Variants in TRDN observed in about 807,000 individuals in gnomAD.
The protein encoded by TRDN is triadin in skeletal muscle.
A neutral mutation model predicts 149.7 loss-of-function variants in TRDN; 161 were observed. The ratio of observed to expected loss-of-function variants is 1.08; its 90% confidence interval spans 0.95 to 1.23. The LOEUF (loss-of-function observed/expected upper bound fraction) is 1.23. Among genes scored for constraint, TRDN ranks in the 50% most tolerant of loss-of-function variants. The probability of loss-of-function intolerance (pLI) is 0.00; values close to 1 mark genes in which losing one functional copy is unlikely to be tolerated. For synonymous variants in TRDN, 294 were observed against 250.5 expected (o/e 1.17, Z -1.64); for missense variants, 896 against 823.5 (o/e 1.09, Z -1.08).
At chr6:123,465,827 G>A (rs1408046103) in intron 9 of TRDN, among the ~76,000 whole-genome samples, 1 of 152,176 alleles carries the variant, frequency 6.6e-6, no homozygotes, top group Non-Finnish European at 1.5e-5. Context: ...ACATGGGCAT[G>A]TGTAACTTCT....
chr6:123,494,936 G>A (rs1254613809), intron 9 of TRDN, among the ~76,000 whole-genome samples: 1 of 151,870 alleles, frequency 6.6e-6, no homozygotes, highest in Non-Finnish European at 1.5e-5. Context: ...GTTTCACCAT[G>A]TTGGCCAGGC....
chr6:123,577,542 C>G lies in TRDN; in HGVS notation c.23-6410G>C, dbSNP rs184144959. Reference sequence around the variant, plus strand: ...TGTACCACATTTTCTTTATTTAATCCGTCATTGGTGGGCATTTAGGTTGAT... The same window carrying G: ...TGTACCACATTTTCTTTATTTAATCGGTCATTGGTGGGCATTTAGGTTGAT... On this transcript the variant is annotated intron_variant, in intron 1 of 40. Coordinates refer to ENST00000334268, the MANE Select transcript of TRDN (RefSeq NM_006073.4). 2.6e-5 allele frequency among the ~76,000 whole-genome samples: 4 copies of G among 152,058 alleles called. No individual in the cohort carries two copies. The South Asian group carries it at 8.3e-4, about 32-fold the overall frequency.
intron 38 of TRDN, among the ~76,000 whole-genome samples, chr6:123,245,464 A>G (rs1776137854): frequency 6.6e-6 from 1 of 152,176 alleles, no homozygotes; most frequent in African/African-American, 2.4e-5. Context: ...GATAAAATAG[A>G]CTTTACACCA....
chr6:123,604,965 T>G (rs1784457667), intron 1 of TRDN, among the ~76,000 whole-genome samples: 1 of 152,078 alleles, frequency 6.6e-6, no homozygotes, highest in African/African-American at 2.4e-5. Flanking sequence ...TCTTAGTTCT[T>G]AATATTTTAT....
At chr6:123,369,926 A>T (rs1267157308) in intron 19 of TRDN, among the ~76,000 whole-genome samples, 3 of 152,124 alleles carry the variant, frequency 2.0e-5, no homozygotes, top group Non-Finnish European at 4.4e-5. Context: ...AGAGACACAG[A>T]CAACCACATC....
chr6:123,268,144 T>C (rs1777078341), intron 31 of TRDN, among the ~76,000 whole-genome samples: 1 of 152,066 alleles, frequency 6.6e-6, no homozygotes, highest in Non-Finnish European at 1.5e-5. Context: ...TCCTCTTTTT[T>C]CCTCTTTGAA....
chr6:123,288,906 A>C (rs1187171190), intron 24 of TRDN, among the ~76,000 whole-genome samples: 3 of 151,812 alleles, frequency 2.0e-5, no homozygotes, highest in Non-Finnish European at 4.4e-5. Context: ...AAGGAATTGA[A>C]ATCAGGATGT....
chr6:123,480,113 T>C (rs1324609859), intron 9 of TRDN, among the ~76,000 whole-genome samples: 5 of 152,044 alleles, frequency 3.3e-5, no homozygotes, highest in Non-Finnish European at 1.5e-5. Flanking sequence ...AGAATAAATA[T>C]CATTCATTTC....
intron 18 of TRDN, among the ~76,000 whole-genome samples, chr6:123,376,293 C>G (rs1477302429): frequency 6.6e-6 from 1 of 152,102 alleles, no homozygotes; most frequent in Non-Finnish European, 1.5e-5. Flanking sequence ...AACTCTGAAC[C>G]AACAGGGTGT....
intron 10 of TRDN, chr6:123,440,829 T>C (rs1562314256): frequency 6.6e-6 from 1 of 152,196 alleles, no homozygotes; most frequent in Non-Finnish European, 1.5e-5. Context: ...GACAATGCTC[T>C]TGTGCAACAA....
intron 20 of TRDN, among the ~76,000 whole-genome samples, chr6:123,354,749 G>C (rs1408436831): frequency 6.6e-6 from 1 of 151,652 alleles, no homozygotes; most frequent in Non-Finnish European, 1.5e-5. Flanking sequence ...AGATTAGACA[G>C]TGTGAGGAAG....
intron 38 of TRDN, among the ~76,000 whole-genome samples, chr6:123,241,389 A>G (rs116153218): frequency 0.017 from 2,650 of 151,610 alleles, 71 homozygotes; most frequent in African/African-American, 0.061. Flanking sequence ...GAAAAAGAAT[A>G]TAAACTTTTA....
chr6:123,317,852 G>T (rs1319662721), intron 23 of TRDN, among the ~76,000 whole-genome samples: 2 of 151,850 alleles, frequency 1.3e-5, no homozygotes, highest in Non-Finnish European at 2.9e-5. Context: ...ATGACTAAAG[G>T]CTCCCTGTTG....
chr6:123,590,984 AT>A (rs1463260475), intron 1 of TRDN, among the ~76,000 whole-genome samples: 3 of 152,176 alleles, frequency 2.0e-5, no homozygotes, highest in African/African-American at 7.2e-5. Context: ...AAGCGCTTTG[AT>A]ATAAAAAATT....
At position 123,259,204 on chromosome 6, in the gene TRDN, T is replaced by A. The variant is rs545858599; in HGVS notation, c.1870+420A>T. 2.4e-4 allele frequency among the ~76,000 whole-genome samples: 36 copies of A among 152,282 alleles called. 1 individual carries two copies. In the South Asian group the frequency reaches 7.0e-3, roughly 30 times the overall value. Reference sequence around the variant, plus strand: ...AGCTTTCGAATTTGTTTGTTCTTGCTTCTGTAGTTCTTTTCATTGTGATGT... The same window carrying A: ...AGCTTTCGAATTTGTTTGTTCTTGCATCTGTAGTTCTTTTCATTGTGATGT... On this transcript the variant is annotated intron_variant, in intron 35 of 40. Transcript: ENST00000334268.
chr6:123,265,212 A>G (rs1019743285), intron 33 of TRDN, 106 bp downstream of exon 33: 1 of 881,496 alleles, frequency 1.1e-6, no homozygotes. Flanking sequence ...TGGCTATTAC[A>G]TTAACAAACA....
At chr6:123,337,260 C>T (rs1236591579) in intron 22 of TRDN, among the ~76,000 whole-genome samples, 1 of 151,902 alleles carries the variant, frequency 6.6e-6, no homozygotes, top group East Asian at 1.9e-4. Context: ...ATATTATGCA[C>T]TAAATATATA....
rs987327822 is a variant in TRDN, at chr6:123,406,557, T to C, written c.1052-12880A>G. Among the ~76,000 whole-genome samples, 13 of 151,748 alleles carry C rather than the reference T, an allele frequency of 8.6e-5. No individual in the cohort carries two copies. In the South Asian group the frequency reaches 1.2e-3, roughly 15 times the overall value. ...TTAAAACTTTATATTATGTAATATA[T>C]AATATTAAATTTTATTTTCCGTCAT... On this transcript the variant is annotated intron_variant, in intron 12 of 40. Coordinates refer to ENST00000334268, the MANE Select transcript of TRDN (RefSeq NM_006073.4).
intron 5 of TRDN, among the ~76,000 whole-genome samples, chr6:123,525,374 T>TA (rs1779894574): frequency 6.6e-6 from 1 of 151,992 alleles, no homozygotes; most frequent in African/African-American, 2.4e-5. Flanking sequence ...TATTCAGTCA[T>TA]AAAAAAGAAT....
Sources: gnomAD v4.1 joint callset for allele counts (sites outside exome capture counted in the v4.1 genomes callset) on GRCh38, gnomAD v4.1.1 for gene constraint, MANE v1.5 for transcripts, NCBI Gene and HGNC (gene_info 2026-07-23, HGNC 2026-07-21) for gene names.